KMT2C: variants seen among roughly 807,000 people sequenced by gnomAD.
The protein encoded by KMT2C is lysine methyltransferase 2C, also known as histone-lysine N-methyltransferase 2C.
In KMT2C, 88 loss-of-function variants were observed where a neutral mutation model predicts 507.9. That is an observed-to-expected ratio of 0.17 (90% CI 0.15 to 0.21). KMT2C has a LOEUF of 0.21. Ranked by LOEUF, KMT2C falls within the 10% of genes least tolerant of loss-of-function variation. KMT2C has a pLI of 1.00. For synonymous variants in KMT2C, 2,049 were observed against 2,080.8 expected, an observed-to-expected ratio of 0.98 and a Z score of 0.42; for missense variants, 4,954 against 5,957.8, an observed-to-expected ratio of 0.83 and a Z score of 5.55.
At chr7:152,365,676 C>T (rs995905847) in intron 1 of KMT2C, among the ~76,000 whole-genome samples, 8 of 152,312 alleles carry the variant, frequency 5.3e-5, no homozygotes, top group South Asian at 2.1e-4. Context: ...ATTAGCCTCC[C>T]GGCCCAGTGT....
intron 27 of KMT2C, among the ~76,000 whole-genome samples, chr7:152,197,016 C>A (rs2129131474): frequency 6.6e-6 from 1 of 152,072 alleles, no homozygotes; most frequent in South Asian, 2.1e-4. Flanking sequence ...TGCTGGGAGG[C>A]TGAAAGATAG....
At chr7:152,155,141 G>C (rs2091952445) in intron 46 of KMT2C, 1 of 152,238 alleles carries the variant, frequency 6.6e-6, no homozygotes, top group South Asian at 2.1e-4. Context: ...CTCACGCAGA[G>C]AAGTAGCTGT....
Position 152,146,689 on chromosome 7 carries a change from C to A in KMT2C, c.13941G>T (p.Lys4647Asn), listed in dbSNP as rs745406929. 3.1e-6 allele frequency: 5 copies of A among 1,613,976 alleles called. No homozygotes were observed. The highest frequency in any genetic ancestry group is 3.3e-5 in the Admixed American group (2 of 60,004). ...ILEPVACVRK[K>N]SEMLQLFPAY... ...CTGGGAAAAGCTGGAGCATTTCAGA[C>A]TTTTTTCTCACACATGCCACAGGCT... Residue 4647 changes from lysine (K) to asparagine (N), a missense_variant, in exon 53 of 59, where the codon AAG becomes AAT. This residue lies in a region of KMT2C where 221 missense variants were observed against 304.7 expected (regional missense o/e 0.73). Transcript: ENST00000262189.
intron 7 of KMT2C, 104 bp from the exon 8 acceptor site, chr7:152,265,313 A>G (rs2095844329): frequency 7.9e-6 from 12 of 1,515,014 alleles, no homozygotes; most frequent in Non-Finnish European, 1.1e-5. Context: ...AACCTTTCAG[A>G]CATTTGAAGT....
chr7:152,143,376 G>A (rs6942743), intron 55 of KMT2C, among the ~76,000 whole-genome samples: 11,815 of 152,236 alleles, frequency 0.078, 898 homozygotes, highest in African/African-American at 0.19. Flanking sequence ...GAGAGACAAG[G>A]AAACAAAGAA....
chr7:152,297,027 A>AAGAAAGAAAGAAAGAAAGAAAGAC (rs2096509328), intron 6 of KMT2C, among the ~76,000 whole-genome samples: 1 of 96,452 alleles, frequency 1.0e-5, no homozygotes, highest in African/African-American at 5.4e-5. Flanking sequence ...GAAAGAAAGA[A>AAGAAAGAAAGAAAGAAAGAAAGAC]AGAAAGAAAG....
chr7:152,215,443 G>A (rs576030652), intron 23 of KMT2C, among the ~76,000 whole-genome samples: 132 of 147,924 alleles, frequency 8.9e-4, no homozygotes, highest in Middle Eastern at 3.5e-3. Context: ...GAACCCAGGA[G>A]GCGGAGCTTG....
At chr7:152,356,897 GAAT>G (rs55935930) in intron 2 of KMT2C, among the ~76,000 whole-genome samples, 11,586 of 138,192 alleles carry the variant, frequency 0.084, 517 homozygotes, top group South Asian at 0.11. Flanking sequence ...AACTCAAAAA[GAAT>G]AATAATAATA....
chr7:152,224,149 T>C lies in KMT2C; in HGVS notation c.3189A>G (p.Thr1063=), dbSNP rs751069790. Residue 1063 remains threonine (T), a synonymous_variant, in exon 20 of 59, where the codon ACA becomes ACG. Transcript: ENST00000262189. ...WCVWCRHCGA[T]SAGLRCEWQN... is the part of the protein sequence containing the mutation. Reference sequence around the variant, plus strand: ...GCCATTCACATCTTAGACCTGCAGATGTTGCTCCACAGTGTCTGCACCAAA... The same window carrying C: ...GCCATTCACATCTTAGACCTGCAGACGTTGCTCCACAGTGTCTGCACCAAA... The C allele has an allele frequency of 5.0e-6, 8 of 1,608,952 alleles. No homozygotes were observed. Among genetic ancestry groups the C allele is most frequent in the Non-Finnish European group, 3.4e-6 (4 of 1,177,264 alleles).
intron 6 of KMT2C, among the ~76,000 whole-genome samples, chr7:152,288,377 T>TA (rs1341984504): frequency 6.6e-6 from 1 of 151,210 alleles, no homozygotes; most frequent in Non-Finnish European, 1.5e-5. Context: ...CTACTAAAAA[T>TA]ACAAAAATTA....
chr7:152,167,789 G>A (rs10233184), intron 41 of KMT2C, among the ~76,000 whole-genome samples: 6,335 of 152,112 alleles, frequency 0.042, 452 homozygotes, highest in African/African-American at 0.14. Context: ...AAGGTCTAGC[G>A]CATAGACTAG....
intron 9 of KMT2C, among the ~76,000 whole-genome samples, chr7:152,253,863 C>T (rs1351086569): frequency 6.6e-6 from 1 of 152,180 alleles, no homozygotes. Flanking sequence ...CAACCAGAGG[C>T]CAGCCAAAAC....
intron 6 of KMT2C, among the ~76,000 whole-genome samples, chr7:152,301,349 A>G (rs2096566504): frequency 6.6e-6 from 1 of 151,774 alleles, no homozygotes; most frequent in Admixed American, 6.6e-5. Context: ...CTAAAAAAAA[A>G]ATACAAAATA....
At chr7:152,187,604 T>G in intron 32 of KMT2C, 111 bp downstream of exon 32, 1 of 1,444,032 alleles carries the variant, frequency 6.9e-7, no homozygotes, top group Non-Finnish European at 9.5e-7. Flanking sequence ...AAAGCCACAA[T>G]AAACGCAACA....
At chr7:152,248,733 C>A in intron 13 of KMT2C, 113 bp from the exon 14 acceptor site, 2 of 629,772 alleles carry the variant, frequency 3.2e-6, no homozygotes, top group South Asian at 4.2e-5. Context: ...AGGTATTCAT[C>A]AAAGCAGACA....
intron 4 of KMT2C, 159 bp from the exon 5 acceptor site, chr7:152,312,105 G>A (rs1193392620): frequency 2.1e-6 from 1 of 469,196 alleles, no homozygotes; most frequent in Non-Finnish European, 3.6e-6. Flanking sequence ...ATTATCCATG[G>A]TATAATATTA....
intron 23 of KMT2C, among the ~76,000 whole-genome samples, chr7:152,209,453 T>G (rs1160179063): frequency 1.3e-5 from 1 of 74,998 alleles, no homozygotes; most frequent in African/African-American, 9.7e-5. Flanking sequence ...GGACTCCGTC[T>G]CAAAAAAAAA....
chr7:152,423,612 C>T (rs1435496750), intron 1 of KMT2C, among the ~76,000 whole-genome samples: 5 of 152,188 alleles, frequency 3.3e-5, no homozygotes, highest in Non-Finnish European at 7.4e-5. Flanking sequence ...CTCCTGATGA[C>T]TTTGCAGTGT....
chr7:152,271,571 G>A (rs2095971304), intron 7 of KMT2C, among the ~76,000 whole-genome samples: 1 of 151,490 alleles, frequency 6.6e-6, no homozygotes, highest in Non-Finnish European at 1.5e-5. Context: ...TACTTGGGAG[G>A]CTGAGGCAGG....
Sources: allele counts gnomAD v4.1 joint callset (sites outside exome capture counted in the v4.1 genomes callset), GRCh38; gene constraint gnomAD v4.1.1; regional missense constraint gnomAD v4.1.1; transcripts MANE v1.5; gene names NCBI Gene and HGNC (gene_info 2026-07-23, HGNC 2026-07-21).